The following QTMAN variants were observed in gnomAD, a reference collection of about 807,000 sequenced individuals.
The protein encoded by QTMAN is queuosine-tRNA mannosyltransferase, also known as tRNA-queuosine alpha-mannosyltransferase.
At chr2:144,302,478 T>C in the QTMAN span, among the ~76,000 whole-genome samples, 1 of 151,990 alleles carries the variant, frequency 6.6e-6, no homozygotes, top group South Asian at 2.1e-4. Context: ...TACAGAAAGG[T>C]GTATCTTAGG....
At chr2:143,991,623 G>T in the QTMAN span, among the ~76,000 whole-genome samples, 1 of 139,664 alleles carries the variant, frequency 7.2e-6, no homozygotes, top group African/African-American at 2.7e-5. Context: ...CCTCTGCCCG[G>T]CCGCCCCTAC....
the QTMAN span, among the ~76,000 whole-genome samples, chr2:144,019,159 A>G: frequency 6.6e-6 from 1 of 152,184 alleles, no homozygotes; most frequent in Non-Finnish European, 1.5e-5. Context: ...GAGGGGTCAG[A>G]TTGGGTCTGA....
the QTMAN span, among the ~76,000 whole-genome samples, chr2:144,296,009 G>T: frequency 6.6e-6 from 1 of 152,152 alleles, no homozygotes; most frequent in Non-Finnish European, 1.5e-5. Context: ...TTTTAAGATT[G>T]TGACAAGCCA....
the QTMAN span, among the ~76,000 whole-genome samples, chr2:144,115,264 A>AC: frequency 6.6e-6 from 1 of 151,896 alleles, no homozygotes; most frequent in East Asian, 1.9e-4. Flanking sequence ...AACAACAACA[A>AC]AAACTGAAAT....
At chr2:144,193,456 T>C in the QTMAN span, among the ~76,000 whole-genome samples, 1 of 148,440 alleles carries the variant, frequency 6.7e-6, no homozygotes, top group African/African-American at 2.4e-5. Context: ...ATATAATGCA[T>C]ATATATGTTA....
chr2:144,332,784 C>G, the QTMAN span, among the ~76,000 whole-genome samples: 1 of 152,150 alleles, frequency 6.6e-6, no homozygotes, highest in Admixed American at 6.5e-5. Context: ...TCCCTGTGCG[C>G]CCTTTCCCAT....
At chr2:143,946,887 C>T in the QTMAN span, 13 of 566,526 alleles carry the variant, frequency 2.3e-5, no homozygotes, top group Middle Eastern at 4.6e-4. Flanking sequence ...GATCTGAAGC[C>T]GCCACAGGTT....
At chr2:144,174,012 T>C in the QTMAN span, among the ~76,000 whole-genome samples, 1 of 152,216 alleles carries the variant, frequency 6.6e-6, no homozygotes, top group Non-Finnish European at 1.5e-5. Context: ...ATACTTCTTA[T>C]ACTGCCTTCA....
At chr2:144,179,111 T>C in the QTMAN span, among the ~76,000 whole-genome samples, 4 of 152,178 alleles carry the variant, frequency 2.6e-5, no homozygotes, top group African/African-American at 9.6e-5. Flanking sequence ...TCAACTAGAA[T>C]TGAGTCCCTG....
chr2:144,167,407 T>C, the QTMAN span, among the ~76,000 whole-genome samples: 1 of 152,134 alleles, frequency 6.6e-6, no homozygotes, highest in Non-Finnish European at 1.5e-5. Flanking sequence ...GCTATTACTT[T>C]TAACCCAGTA....
the QTMAN span, among the ~76,000 whole-genome samples, chr2:143,987,081 T>A: frequency 1.3e-5 from 2 of 152,164 alleles, no homozygotes; most frequent in Non-Finnish European, 2.9e-5. Flanking sequence ...GGCTGGTTCT[T>A]AAAATGAGGA....
At chr2:144,136,184 G>A in the QTMAN span, among the ~76,000 whole-genome samples, 2 of 151,748 alleles carry the variant, frequency 1.3e-5, no homozygotes, top group Admixed American at 1.3e-4. Context: ...AAAATTAGCT[G>A]GATGTGGAGA....
chr2:144,163,293 A>T, the QTMAN span, among the ~76,000 whole-genome samples: 1,512 of 152,020 alleles, frequency 9.9e-3, 27 homozygotes, highest in African/African-American at 0.033. Flanking sequence ...TTTAAAATTT[A>T]AAAAATAAAA....
At chr2:143,992,964 TAAC>T in the QTMAN span, among the ~76,000 whole-genome samples, 30 of 152,124 alleles carry the variant, frequency 2.0e-4, no homozygotes, top group African/African-American at 5.3e-4. Context: ...GAAAAGATAT[TAAC>T]AACAACAACA....
chr2:144,236,853 C>T, the QTMAN span, among the ~76,000 whole-genome samples: 10 of 151,706 alleles, frequency 6.6e-5, no homozygotes, highest in Non-Finnish European at 1.5e-4. Context: ...GCATTCACAG[C>T]CACAGAGAAC....
chr2:144,014,536 CA>C, the QTMAN span, among the ~76,000 whole-genome samples: 1 of 152,092 alleles, frequency 6.6e-6, no homozygotes, highest in Non-Finnish European at 1.5e-5. Flanking sequence ...AATTAACAAG[CA>C]AACCCTACTT....
chr2:144,294,677 CTT>C, the QTMAN span, among the ~76,000 whole-genome samples: 1 of 151,948 alleles, frequency 6.6e-6, no homozygotes. Flanking sequence ...GTGGAAGAGA[CTT>C]ATAGCTATAT....
the QTMAN span, among the ~76,000 whole-genome samples, chr2:144,050,305 G>A: frequency 5.3e-5 from 8 of 152,092 alleles, no homozygotes; most frequent in Admixed American, 1.3e-4. Flanking sequence ...AAAGGGCAGC[G>A]GCAGGAACGG....
chr2:144,003,868 A>C, the QTMAN span, among the ~76,000 whole-genome samples: 1 of 152,094 alleles, frequency 6.6e-6, no homozygotes, highest in African/African-American at 2.4e-5. Context: ...TCATGATCCC[A>C]GTGTGGAACT....
Sources: allele counts gnomAD v4.1 joint callset (sites outside exome capture counted in the v4.1 genomes callset), GRCh38; gene constraint gnomAD v4.1.1; transcripts MANE v1.5; gene names NCBI Gene and HGNC (gene_info 2026-07-23, HGNC 2026-07-21).